KCNQ1: variants seen among roughly 807,000 people sequenced by gnomAD.
KCNQ1 encodes the protein potassium voltage-gated channel subfamily KQT member 1.
A neutral mutation model predicts 72.4 loss-of-function variants in KCNQ1; 49 were observed. The observed-to-expected ratio is 0.68, with a 90% confidence interval of 0.54 to 0.86. KCNQ1 has a LOEUF of 0.86. Ranked by LOEUF, KCNQ1 falls within the 40% of genes least tolerant of loss-of-function variation. The pLI is 0.00. For missense variants in KCNQ1, 790 were observed against 945.1 expected, an observed-to-expected ratio of 0.84 and a Z score of 2.15; for synonymous variants, 450 against 412.6, an observed-to-expected ratio of 1.09 and a Z score of -1.10.
rs1850569566 is a variant in KCNQ1, at chr11:2,690,441, G to A, written c.1514+28360G>A. ...GGCTGGGGTCCTGGGAGCTAGAGCT[G>A]GGTTAAGATAAGAGCAGAGACTGGG... On this transcript the variant is annotated intron_variant, in intron 11 of 15. Coordinates refer to ENST00000155840, the MANE Select transcript of KCNQ1 (RefSeq NM_000218.3). The surrounding 1 kb of genome is among the most constrained non-coding windows in gnomAD (Gnocchi z 5.1). 1 of 398,534 alleles carries A rather than the reference G, an allele frequency of 2.5e-6. No individual in the cohort carries two copies. Among genetic ancestry groups the A allele is most frequent in the Admixed American group, 4.4e-5 (1 of 22,722 alleles). The allele number at this position is 398,534 out of a possible 1,614,324, so 24.7% of individuals were successfully genotyped here.
Position 2,455,672 on chromosome 11 carries a change from C to T in KCNQ1, c.386+10188C>T, listed in dbSNP as rs888302614. Among the ~76,000 whole-genome samples the T allele has an allele frequency of 3.3e-5, 5 of 152,346 alleles. No homozygotes were observed. In the East Asian group the frequency reaches 7.7e-4, roughly 23 times the overall value. On this transcript the variant is annotated intron_variant, in intron 1 of 15. Transcript: ENST00000155840. ...TCTACAGATTCAATGCTATTCCTAT[C>T]AAACTACCAATGCCACTTTTCATAG...
chr11:2,457,112 G>A lies in KCNQ1; in HGVS notation c.386+11628G>A, dbSNP rs1846207439. Among the ~76,000 whole-genome samples the A allele has an allele frequency of 2.0e-5, 3 of 152,098 alleles. No individual in the cohort carries two copies. Among genetic ancestry groups the A allele is most frequent in the Admixed American group, 6.5e-5 (1 of 15,270 alleles). ...CACAATGAGATACCATCTCACGCCA[G>A]TCAGAATGGCCTTTGTTTAAAAAGT... On this transcript the variant is annotated intron_variant, in intron 1 of 15. Transcript: ENST00000155840. The surrounding 1 kb of genome is among the most constrained non-coding windows in gnomAD (Gnocchi z 5.0).
At position 2,611,265 on chromosome 11, in the gene KCNQ1, G is replaced by T. The variant is rs992669992; in HGVS notation, c.1393+22411G>T. 1.6e-4 allele frequency: 65 copies of T among 397,364 alleles called. No individual in the cohort carries two copies. The highest frequency in any genetic ancestry group is 1.2e-3 in the Middle Eastern group (2 of 1,608). 24.6% of individuals were successfully genotyped at this position (397,364 alleles called of 1,614,324 possible). ...GATGGAGTCTCACTCTGTTGCCCAG[G>T]CTGGAGTGCAGTGGCGTGACCTTGG... On this transcript the variant is annotated intron_variant, in intron 10 of 15. Transcript: ENST00000155840. This position sits in a 1 kb window ranked among gnomAD's most constrained non-coding sequence, Gnocchi z 5.3.
intron 11 of KCNQ1, chr11:2,662,596 C>T: frequency 2.4e-6 from 1 of 416,886 alleles, no homozygotes; most frequent in Non-Finnish European, 4.2e-6. Context: ...CCCGTCCTCC[C>T]CCGCCGTCAC....
chr11:2,733,814 A>ACACACACACACACACAGGC, intron 11 of KCNQ1, among the ~76,000 whole-genome samples: 1 of 86,614 alleles, frequency 1.2e-5, no homozygotes, highest in Non-Finnish European at 2.4e-5. Flanking sequence ...ACACACACAC[A>ACACACACACACACACAGGC]CTCTCTCACT....
intron 11 of KCNQ1, chr11:2,685,451 CA>C (rs1850471023): frequency 2.5e-6 from 1 of 398,726 alleles, no homozygotes; most frequent in Non-Finnish European, 4.4e-6. Context: ...AGCCCTTATC[CA>C]GAAGCCCAGT....
rs1056370223 is a variant in KCNQ1, at chr11:2,745,454, G to C, written c.1515-23390G>C. ...GGTATAAAGAAATGCCATTGATTTG[G>C]GGGGGTTGATCTCACACCTGACAAC... On this transcript the variant is annotated intron_variant, in intron 11 of 15. Transcript: ENST00000155840. This position sits in a 1 kb window ranked among gnomAD's most constrained non-coding sequence, Gnocchi z 6.2. Among the ~76,000 whole-genome samples, 1 of 152,124 alleles carries C rather than the reference G, an allele frequency of 6.6e-6. No homozygotes were observed. Among genetic ancestry groups the C allele is most frequent in the Non-Finnish European group, 1.5e-5 (1 of 68,020 alleles).
chr11:2,610,362 G>T, intron 10 of KCNQ1: 1 of 398,016 alleles, frequency 2.5e-6, no homozygotes, highest in South Asian at 1.3e-4. Flanking sequence ...ACTATATAAT[G>T]ATATATCTTT....
At chr11:2,525,929 G>T (rs1847495818) in intron 1 of KCNQ1, among the ~76,000 whole-genome samples, 1 of 152,248 alleles carries the variant, frequency 6.6e-6, no homozygotes, top group African/African-American at 2.4e-5. Flanking sequence ...GGTCTAGGGG[G>T]TGGACAACAG....
Position 2,700,033 on chromosome 11 carries a change from C to G in KCNQ1, c.1514+37952C>G, listed in dbSNP as rs376998881. ...GGCAGCGCTCCGACTGCCCCCGCCG[C>G]TGCCGACGTGGCGACCGCCCCCCAC... is the stretch of plus-strand genomic sequence containing the variant. On this transcript the variant is annotated intron_variant, in intron 11 of 15. Transcript: ENST00000155840. The G allele has an allele frequency of 4.3e-5, 17 of 398,198 alleles. No individual in the cohort carries two copies. The East Asian group carries it at 6.1e-4, about 14-fold the overall frequency. 24.7% of individuals were successfully genotyped at this position (398,198 alleles called of 1,614,324 possible). A position where few individuals can be genotyped will look rare whatever the true frequency, so the allele number is the denominator to read the frequency against.
rs1336770145 is a variant in KCNQ1 at position 2,803,056 on chromosome 11, G to A, written c.1794+25019G>A. Among the ~76,000 whole-genome samples, 1 of 152,248 alleles carries A rather than the reference G, an allele frequency of 6.6e-6. No individual in the cohort carries two copies. The highest frequency in any genetic ancestry group is 1.5e-5 in the Non-Finnish European group (1 of 68,044). ...GCAGGAGGTGACATGAAGGGAAGGT[G>A]GCAGGATGGGAGTGCCCATCAGCCG... On this transcript the variant is annotated intron_variant, in intron 15 of 15. Coordinates refer to ENST00000155840, the MANE Select transcript of KCNQ1 (RefSeq NM_000218.3). This position sits in a 1 kb window ranked among gnomAD's most constrained non-coding sequence, Gnocchi z 6.4.
At chr11:2,629,540 C>T (rs576167658) in intron 10 of KCNQ1, 7 of 398,428 alleles carry the variant, frequency 1.8e-5, no homozygotes, top group African/African-American at 1.4e-4. Flanking sequence ...ACTTCATTCT[C>T]TCACGTGAGG....
In KCNQ1 at chr11:2,587,696, A is replaced by T. The variant is rs1214465243; in HGVS notation, c.1251+4A>T. 2 of 1,613,648 alleles carry T rather than the reference A, an allele frequency of 1.2e-6. No homozygotes were observed. Among genetic ancestry groups the T allele is most frequent in the Non-Finnish European group, 1.7e-6 (2 of 1,179,948 alleles). Reference sequence around the variant, plus strand: ...CAAACCCAAGAAGTCTGTGGTGGTGAGTAGCCCACCTGCCACCAGGGCAGG... The same window carrying T: ...CAAACCCAAGAAGTCTGTGGTGGTGTGTAGCCCACCTGCCACCAGGGCAGG... On this transcript the variant is annotated splice_donor_region_variant and intron_variant, in intron 9 of 15. Coordinates refer to ENST00000155840, the MANE Select transcript of KCNQ1 (RefSeq NM_000218.3).
At position 2,704,835 on chromosome 11, in the gene KCNQ1, T is replaced by C. The variant is rs1267597842; in HGVS notation, c.1514+42754T>C. On this transcript the variant is annotated intron_variant, in intron 11 of 15. Coordinates refer to ENST00000155840, the MANE Select transcript of KCNQ1 (RefSeq NM_000218.3). This position sits in a 1 kb window ranked among gnomAD's most constrained non-coding sequence, Gnocchi z 4.3. ...CCAACAGGGGTAGCAGCCTAGTGCA[T>C]GTATGACCACGAGCGAGCCCAAGGG... 6.6e-6 allele frequency among the ~76,000 whole-genome samples: 1 copy of C among 152,112 alleles called. No individual in the cohort carries two copies. The highest frequency in any genetic ancestry group is 1.5e-5 in the Non-Finnish European group (1 of 67,998).
At chr11:2,490,286 G>T (rs927305963) in intron 1 of KCNQ1, among the ~76,000 whole-genome samples, 3 of 152,226 alleles carry the variant, frequency 2.0e-5, no homozygotes, top group Non-Finnish European at 4.4e-5. Context: ...GGTTTCTAAG[G>T]TCTTTGACTA....
At chr11:2,499,526 G>GCCA (rs1564798214) in intron 1 of KCNQ1, among the ~76,000 whole-genome samples, 4 of 57,246 alleles carry the variant, frequency 7.0e-5, no homozygotes, top group Non-Finnish European at 2.2e-4. Context: ...ATGGACCCCT[G>GCCA]CCCCCACAAA....
chr11:2,609,078 A>C, intron 10 of KCNQ1: 1 of 398,030 alleles, frequency 2.5e-6, no homozygotes. Context: ...CTTTAGGTTT[A>C]GTTTGCTCTT....
intron 15 of KCNQ1, among the ~76,000 whole-genome samples, chr11:2,800,826 A>G (rs1303226490): frequency 6.6e-6 from 1 of 152,188 alleles, no homozygotes; most frequent in Admixed American, 6.5e-5. Flanking sequence ...TGCCGTCACC[A>G]TTCCCCAAGT....
intron 2 of KCNQ1, among the ~76,000 whole-genome samples, chr11:2,569,067 G>A (rs371086381): frequency 2.3e-4 from 35 of 152,216 alleles, no homozygotes; most frequent in African/African-American, 7.5e-4. Flanking sequence ...TGTATTTTTA[G>A]TGGAGACAGG....
Sources: gnomAD v4.1 joint callset for allele counts (sites outside exome capture counted in the v4.1 genomes callset) on GRCh38, gnomAD v4.1.1 for gene constraint, Gnocchi (gnomAD v3.1) non-coding constraint, MANE v1.5 for transcripts, NCBI Gene and HGNC (gene_info 2026-07-23, HGNC 2026-07-21) for gene names.